Variants in LDLRAD3 observed in about 807,000 individuals in gnomAD.
LDLRAD3 encodes the protein low-density lipoprotein receptor class A domain-containing protein 3.
A neutral mutation model predicts 29.4 loss-of-function variants in LDLRAD3; 20 were observed. The observed-to-expected ratio is 0.68, with a 90% CI of 0.48 to 0.99. The LOEUF is 0.99. LDLRAD3 is among the 50% of genes least tolerant of loss of function. The pLI is 0.00. For synonymous variants in LDLRAD3, 157 were observed against 192.7 expected (o/e 0.81, Z 1.53); for missense variants, 420 against 454.3 (o/e 0.92, Z 0.69).
intron 1 of LDLRAD3, among the ~76,000 whole-genome samples, chr11:35,991,863 TTGTTTGTGTGTG>T (rs754185889): frequency 2.9e-5 from 3 of 103,932 alleles, no homozygotes; most frequent in African/African-American, 1.2e-4. Flanking sequence ...AATTGAATGG[TTGTTTGTGTGTG>T]TGTGTGTGTG....
intron 4 of LDLRAD3, among the ~76,000 whole-genome samples, chr11:36,154,628 C>A (rs1261807835): frequency 6.6e-6 from 1 of 152,218 alleles, no homozygotes; most frequent in Non-Finnish European, 1.5e-5. Context: ...CCATTCCATA[C>A]TGCCTGTAGC....
chr11:36,154,708 C>T (rs7111826), intron 4 of LDLRAD3, among the ~76,000 whole-genome samples: 43,205 of 152,090 alleles, frequency 0.28, 6,566 homozygotes, highest in African/African-American at 0.38. Flanking sequence ...AATTAGGAAT[C>T]TGTTTCATGT....
At chr11:36,088,536 G>A (rs971287164) in intron 3 of LDLRAD3, among the ~76,000 whole-genome samples, 3 of 151,948 alleles carry the variant, frequency 2.0e-5, no homozygotes, top group African/African-American at 7.3e-5. Flanking sequence ...TAGCTAGTAT[G>A]TCTGTGTTTT....
chr11:36,107,591 T>G (rs1165902119), intron 4 of LDLRAD3, among the ~76,000 whole-genome samples: 1 of 152,218 alleles, frequency 6.6e-6, no homozygotes, highest in African/African-American at 2.4e-5. Context: ...TATAATACCA[T>G]GTCTTTACTG....
intron 4 of LDLRAD3, among the ~76,000 whole-genome samples, chr11:36,223,237 G>C (rs1855453873): frequency 6.6e-6 from 1 of 152,176 alleles, no homozygotes; most frequent in Admixed American, 6.5e-5. Flanking sequence ...CCAAAGTGAA[G>C]AGAGGTCTGA....
chr11:35,985,239 T>G (rs1851599171), intron 1 of LDLRAD3, among the ~76,000 whole-genome samples: 1 of 152,220 alleles, frequency 6.6e-6, no homozygotes, highest in African/African-American at 2.4e-5. Context: ...TCCATTATTG[T>G]TCTTGACTTG....
intron 4 of LDLRAD3, among the ~76,000 whole-genome samples, chr11:36,190,064 A>AGGGGGAG (rs1491526174): frequency 1.2e-5 from 1 of 86,072 alleles, no homozygotes; most frequent in Non-Finnish European, 2.4e-5. Context: ...TCACACATCT[A>AGGGGGAG]GGGGGAGGGG....
chr11:36,099,523 A>G (rs552571347), intron 4 of LDLRAD3, among the ~76,000 whole-genome samples: 16 of 152,306 alleles, frequency 1.1e-4, no homozygotes, highest in African/African-American at 3.9e-4. Context: ...GTTCTACTGT[A>G]TGATTGTACC....
chr11:36,207,614 C>T (rs566739183), intron 4 of LDLRAD3, among the ~76,000 whole-genome samples: 1 of 152,186 alleles, frequency 6.6e-6, no homozygotes, highest in Non-Finnish European at 1.5e-5. Flanking sequence ...TGTGCCACTG[C>T]ACTCCAGCCT....
intron 1 of LDLRAD3, among the ~76,000 whole-genome samples, chr11:35,973,849 G>A (rs550430542): frequency 5.4e-4 from 82 of 152,176 alleles, no homozygotes; most frequent in Non-Finnish European, 1.1e-3. Context: ...AGCACTAAAT[G>A]AGGGTGCCAT....
chr11:35,976,666 G>T (rs942450213), intron 1 of LDLRAD3, among the ~76,000 whole-genome samples: 1 of 152,082 alleles, frequency 6.6e-6, no homozygotes, highest in African/African-American at 2.4e-5. Context: ...AGTCACTTGG[G>T]GGTACTGAGT....
intron 1 of LDLRAD3, among the ~76,000 whole-genome samples, chr11:36,033,371 A>G (rs1010327553): frequency 2.6e-5 from 4 of 152,154 alleles, no homozygotes; most frequent in Non-Finnish European, 5.9e-5. Flanking sequence ...TGTAACAGAC[A>G]TGGTATTTAG....
At chr11:36,132,687 A>G (rs1381046865) in intron 4 of LDLRAD3, among the ~76,000 whole-genome samples, 1 of 152,232 alleles carries the variant, frequency 6.6e-6, no homozygotes, top group East Asian at 1.9e-4. Flanking sequence ...TCCTATCCAT[A>G]CATCACTTTT....
chr11:36,226,521 C>G (rs1346537802), intron 4 of LDLRAD3, among the ~76,000 whole-genome samples: 1 of 152,212 alleles, frequency 6.6e-6, no homozygotes, highest in Non-Finnish European at 1.5e-5. Context: ...TTTAAAACAA[C>G]TTAATTGAGA....
intron 3 of LDLRAD3, among the ~76,000 whole-genome samples, chr11:36,096,302 G>A (rs537459154): frequency 6.6e-6 from 1 of 152,356 alleles, no homozygotes; most frequent in East Asian, 1.9e-4. Flanking sequence ...CCTCAGCGAA[G>A]CACAGGGAGT....
chr11:36,148,099 G>GA (rs1468530234), intron 4 of LDLRAD3, among the ~76,000 whole-genome samples: 1 of 152,046 alleles, frequency 6.6e-6, no homozygotes, highest in African/African-American at 2.4e-5. Context: ...TTGAACTCCT[G>GA]ACCTCAGTGA....
intron 4 of LDLRAD3, among the ~76,000 whole-genome samples, chr11:36,147,469 A>G (rs1469332504): frequency 2.6e-5 from 4 of 152,190 alleles, no homozygotes; most frequent in Non-Finnish European, 5.9e-5. Context: ...GGTCAAGTCT[A>G]AATGCAAGAT....
At chr11:36,003,400 G>C (rs542664897) in intron 1 of LDLRAD3, among the ~76,000 whole-genome samples, 1 of 152,318 alleles carries the variant, frequency 6.6e-6, no homozygotes, top group South Asian at 2.1e-4. Context: ...GTTGAAGCCT[G>C]AGTCCTTTCA....
chr11:36,087,390 A>G (rs951733176), intron 3 of LDLRAD3, among the ~76,000 whole-genome samples: 32 of 152,202 alleles, frequency 2.1e-4, no homozygotes, highest in African/African-American at 7.5e-4. Context: ...GTATATAAAG[A>G]GATTATGTGC....
Sources: allele counts gnomAD v4.1 joint callset (sites outside exome capture counted in the v4.1 genomes callset), GRCh38; gene constraint gnomAD v4.1.1; transcripts MANE v1.5; gene names NCBI Gene and HGNC (gene_info 2026-07-23, HGNC 2026-07-21).